Variants in WWP1 observed in about 807,000 individuals in gnomAD.
WWP1 encodes the protein NEDD4-like E3 ubiquitin-protein ligase WWP1.
WWP1 carries 49 observed loss-of-function variants against 130.6 expected under a neutral mutation model. The ratio of observed to expected loss-of-function variants is 0.38; its 90% CI spans 0.30 to 0.48. WWP1 has a LOEUF of 0.48. Ranked by LOEUF, WWP1 falls within the 20% of genes least tolerant of loss-of-function variation. The probability of loss-of-function intolerance (pLI) is 0.99; values close to 1 mark genes in which losing one functional copy is unlikely to be tolerated. For missense variants in WWP1, 809 were observed against 1,100.6 expected, an observed-to-expected ratio of 0.74 and a Z score of 3.75; for synonymous variants, 332 against 367.8, an observed-to-expected ratio of 0.90 and a Z score of 1.11.
chr8:86,385,382 A>G (rs1465660106), intron 5 of WWP1, among the ~76,000 whole-genome samples: 1 of 152,164 alleles, frequency 6.6e-6, no homozygotes, highest in African/African-American at 2.4e-5. Flanking sequence ...CTGAGTTTTT[A>G]GGTGTTGAGG....
intron 8 of WWP1, among the ~76,000 whole-genome samples, chr8:86,407,939 G>C (rs1032952390): frequency 2.0e-5 from 3 of 152,068 alleles, no homozygotes; most frequent in African/African-American, 7.2e-5. Flanking sequence ...ATTAACTAAT[G>C]TTCCTTCTTT....
At chr8:86,373,882 G>T in intron 2 of WWP1, 148 bp from the exon 3 acceptor site, 3 of 537,420 alleles carry the variant, frequency 5.6e-6, no homozygotes, top group African/African-American at 2.0e-5. Flanking sequence ...CTAACTTTAG[G>T]GTTTTCTTTT....
chr8:86,442,805 A>G (rs755299743), intron 18 of WWP1, 27 bp downstream of exon 18: 7 of 1,556,088 alleles, frequency 4.5e-6, no homozygotes, highest in Non-Finnish European at 6.0e-6. Context: ...ATTATTATTT[A>G]TTTAAGTTTG....
chr8:86,361,133 G>T (rs1823569629), intron 1 of WWP1, among the ~76,000 whole-genome samples: 1 of 152,170 alleles, frequency 6.6e-6, no homozygotes, highest in South Asian at 2.1e-4. Context: ...CACTGTGCTG[G>T]GTAGAGGATG....
intron 1 of WWP1, among the ~76,000 whole-genome samples, chr8:86,353,681 C>T (rs1823083746): frequency 6.6e-6 from 1 of 152,040 alleles, no homozygotes; most frequent in African/African-American, 2.4e-5. Flanking sequence ...GGGGGTTTCA[C>T]CATGTTGGCC....
At chr8:86,360,243 G>GT (rs1823513698) in intron 1 of WWP1, among the ~76,000 whole-genome samples, 1 of 152,048 alleles carries the variant, frequency 6.6e-6, no homozygotes, top group African/African-American at 2.4e-5. Flanking sequence ...AGTTTCTGGT[G>GT]GTTTTTTTTG....
Position 86,377,501 on chromosome 8 carries a change from AT to A in WWP1, c.71-3213del, listed in dbSNP as rs879437914. 4.9e-3 allele frequency among the ~76,000 whole-genome samples: 720 copies of A among 146,934 alleles called. 6 individuals carry two copies. Among genetic ancestry groups the A allele is most frequent in the African/African-American group, 0.016 (633 of 40,304 alleles). ...AACCGAGGTTCTCTGCCCTAAGCCA[AT>A]TTTTTTTTTTTATTTTTAGCATATT... is the stretch of plus-strand genomic sequence containing the variant. On this transcript the variant is annotated intron_variant, in intron 3 of 24. Transcript: ENST00000517970.
At chr8:86,377,473 G>A (rs1213208408) in intron 3 of WWP1, among the ~76,000 whole-genome samples, 1 of 151,726 alleles carries the variant, frequency 6.6e-6, no homozygotes, top group Non-Finnish European at 1.5e-5. Context: ...TTTATTGTCT[G>A]TAAACCGAGG....
intron 24 of WWP1, among the ~76,000 whole-genome samples, chr8:86,462,338 A>G (rs753739107): frequency 2.2e-4 from 34 of 152,204 alleles, no homozygotes; most frequent in Non-Finnish European, 4.7e-4. Flanking sequence ...GCAGAGAAAG[A>G]GCATTCTTTG....
At position 86,409,861 on chromosome 8, in the gene WWP1, A is replaced by G. The variant is rs139065161; in HGVS notation, c.725-1677A>G. Reference sequence around the variant, plus strand: ...GGCCACAGAGCGAGACACCTTCTCAAAAAAAAAAGTTCTTAAAATGTTTTA... The same window carrying G: ...GGCCACAGAGCGAGACACCTTCTCAGAAAAAAAAGTTCTTAAAATGTTTTA... On this transcript the variant is annotated intron_variant, in intron 8 of 24. Transcript: ENST00000517970. 2.4e-3 allele frequency among the ~76,000 whole-genome samples: 358 copies of G among 151,472 alleles called. 2 individuals carry two copies. Among genetic ancestry groups the G allele is most frequent in the African/African-American group, 7.7e-3 (319 of 41,372 alleles).
In WWP1 at chr8:86,349,984, C is replaced by T. The variant is rs80291669; in HGVS notation, c.-115+7054C>T. Among the ~76,000 whole-genome samples, 807 of 152,170 alleles carry T rather than the reference C, an allele frequency of 5.3e-3. 1 individual carries two copies. Among genetic ancestry groups the T allele is most frequent in the Non-Finnish European group, 7.4e-3 (505 of 68,018 alleles). On this transcript the variant is annotated intron_variant, in intron 1 of 24. Coordinates refer to ENST00000517970, the MANE Select transcript of WWP1 (RefSeq NM_007013.4). ...TCTGGCCTTGACCAGAGTGAGCAAC[C>T]TGTCCCCCACGCGCTCCAAGCCCCA...
intron 20 of WWP1, among the ~76,000 whole-genome samples, chr8:86,449,265 A>G (rs1811047702): frequency 6.6e-6 from 1 of 152,336 alleles, no homozygotes; most frequent in South Asian, 2.1e-4. Flanking sequence ...TGTTAAAGTT[A>G]TATCTGAACT....
At chr8:86,458,852 A>G (rs1811597530) in intron 22 of WWP1, among the ~76,000 whole-genome samples, 1 of 152,126 alleles carries the variant, frequency 6.6e-6, no homozygotes, top group Admixed American at 6.6e-5. Context: ...ATATACTTCA[A>G]CGTGTGTAAA....
intron 1 of WWP1, among the ~76,000 whole-genome samples, chr8:86,359,071 C>T (rs1212021339): frequency 6.6e-6 from 1 of 152,224 alleles, no homozygotes; most frequent in African/African-American, 2.4e-5. Context: ...CCTAGAATGC[C>T]CAACACAGTC....
intron 17 of WWP1, chr8:86,442,345 G>T: frequency 4.6e-6 from 1 of 216,628 alleles, no homozygotes. Context: ...TTGAAGTTGA[G>T]GAGACATACC....
intron 1 of WWP1, among the ~76,000 whole-genome samples, chr8:86,349,694 G>A (rs1469191557): frequency 6.6e-6 from 1 of 151,992 alleles, no homozygotes; most frequent in African/African-American, 2.4e-5. Context: ...GAAAAGAGGA[G>A]AACATTTGTG....
chr8:86,464,013 A>T (rs1811905066), intron 24 of WWP1, among the ~76,000 whole-genome samples: 1 of 152,092 alleles, frequency 6.6e-6, no homozygotes, highest in African/African-American at 2.4e-5. Context: ...GTGATCCATG[A>T]TCACACCACT....
At chr8:86,456,933 G>A (rs570268159) in intron 21 of WWP1, among the ~76,000 whole-genome samples, 32 of 151,918 alleles carry the variant, frequency 2.1e-4, no homozygotes, top group African/African-American at 7.7e-4. Context: ...TATAATCTGT[G>A]GTGAAATCAT....
At chr8:86,437,154 G>A (rs570156789) in intron 16 of WWP1, among the ~76,000 whole-genome samples, 5 of 152,188 alleles carry the variant, frequency 3.3e-5, no homozygotes, top group Non-Finnish European at 5.9e-5. Context: ...GCATGCTGGT[G>A]AGCTGTGCTC....
Sources: allele counts gnomAD v4.1 joint callset (sites outside exome capture counted in the v4.1 genomes callset), GRCh38; gene constraint gnomAD v4.1.1; transcripts MANE v1.5; gene names NCBI Gene and HGNC (gene_info 2026-07-23, HGNC 2026-07-21).